Variants in DOCK3 observed in about 807,000 individuals in gnomAD.
DOCK3 encodes the protein dedicator of cytokinesis 3.
In DOCK3, 60 loss-of-function variants were observed where a neutral mutation model predicts 265.6. The ratio of observed to expected loss-of-function variants is 0.23; its 90% CI spans 0.18 to 0.28. DOCK3 has a LOEUF of 0.28. Among genes scored for constraint, DOCK3 ranks in the 10% least tolerant of loss-of-function variants. The pLI is 1.00. For missense variants in DOCK3, 1,981 were observed against 2,594.3 expected (o/e 0.76, Z 5.14); for synonymous variants, 881 against 938.0 (o/e 0.94, Z 1.11).
At chr3:51,370,486 G>A (rs2087591824) in intron 49 of DOCK3, among the ~76,000 whole-genome samples, 1 of 152,180 alleles carries the variant, frequency 6.6e-6, no homozygotes, top group South Asian at 2.1e-4. Context: ...AGAAAGAGGA[G>A]GAATAAGCAG....
At chr3:51,161,722 A>G (rs2086151670) in intron 12 of DOCK3, among the ~76,000 whole-genome samples, 1 of 152,180 alleles carries the variant, frequency 6.6e-6, no homozygotes, top group Non-Finnish European at 1.5e-5. Flanking sequence ...CTTGCCCACC[A>G]GTTATTATAA....
intron 21 of DOCK3, among the ~76,000 whole-genome samples, chr3:51,239,067 C>T (rs772538294): frequency 9.9e-5 from 15 of 152,196 alleles, no homozygotes; most frequent in Non-Finnish European, 1.5e-5. Context: ...CTAATTTACA[C>T]TACCATCAAC....
chr3:51,307,640 G>A lies in DOCK3; in HGVS notation c.2923-2592G>A, dbSNP rs185948721. Among the ~76,000 whole-genome samples, 89 of 152,070 alleles carry A rather than the reference G, an allele frequency of 5.9e-4. 1 individual carries two copies. Among genetic ancestry groups the A allele is most frequent in the Admixed American group, 1.3e-3 (20 of 15,286 alleles). ...ATAGCCTTCACTTCCTGCTTGCCCAGAGCCTCAAGGTCAGCACAGGTGAGA... is the reference window on the plus strand; with the variant it reads ...ATAGCCTTCACTTCCTGCTTGCCCAAAGCCTCAAGGTCAGCACAGGTGAGA... On this transcript the variant is annotated intron_variant, in intron 27 of 52. Transcript: ENST00000266037.
At chr3:51,296,690 A>G (rs1037382005) in intron 27 of DOCK3, among the ~76,000 whole-genome samples, 4 of 151,990 alleles carry the variant, frequency 2.6e-5, no homozygotes, top group Admixed American at 2.0e-4. Flanking sequence ...GTTAGCCAGG[A>G]TGGTCTCGAT....
chr3:51,123,223 C>T (rs1288320655), intron 9 of DOCK3, among the ~76,000 whole-genome samples: 1 of 152,188 alleles, frequency 6.6e-6, no homozygotes, highest in Non-Finnish European at 1.5e-5. Flanking sequence ...CCAGCTTCAG[C>T]CCATAAGTCA....
At chr3:51,130,954 CA>C (rs2084503496) in intron 9 of DOCK3, among the ~76,000 whole-genome samples, 1 of 152,154 alleles carries the variant, frequency 6.6e-6, no homozygotes, top group Non-Finnish European at 1.5e-5. Flanking sequence ...GCAATTCACC[CA>C]CCTTGGCCTC....
chr3:51,336,741 T>C, intron 35 of DOCK3: 1 of 390,102 alleles, frequency 2.6e-6, no homozygotes. Flanking sequence ...GTGTGTAGGA[T>C]GCCCCTGGTA....
At chr3:50,844,392 T>C (rs972595410) in intron 3 of DOCK3, among the ~76,000 whole-genome samples, 7 of 152,006 alleles carry the variant, frequency 4.6e-5, no homozygotes, top group African/African-American at 1.2e-4. Flanking sequence ...ATTTTTTTTT[T>C]CCACTTTTTG....
intron 10 of DOCK3, 147 bp from the exon 11 acceptor site, chr3:51,159,097 T>G: frequency 1.7e-6 from 1 of 594,576 alleles, no homozygotes; most frequent in Non-Finnish European, 2.9e-6. Flanking sequence ...ACTGCAGACA[T>G]CTTATAAACC....
chr3:51,282,610 G>A lies in DOCK3; in HGVS notation c.2922+2406G>A, dbSNP rs142419925. 4.2e-3 allele frequency among the ~76,000 whole-genome samples: 608 copies of A among 146,032 alleles called. 1 individual carries two copies. Among genetic ancestry groups the A allele is most frequent in the Non-Finnish European group, 6.6e-3 (447 of 67,328 alleles). Reference sequence around the variant, plus strand: ...GGAGGTTGCGGTGAGCCAAGATTGCGCCATTGCACTCCTGCCTGGGCAACA... The same window carrying A: ...GGAGGTTGCGGTGAGCCAAGATTGCACCATTGCACTCCTGCCTGGGCAACA... On this transcript the variant is annotated intron_variant, in intron 27 of 52. Coordinates refer to ENST00000266037, the MANE Select transcript of DOCK3 (RefSeq NM_004947.5).
intron 2 of DOCK3, among the ~76,000 whole-genome samples, chr3:50,807,424 G>T (rs2106698832): frequency 6.6e-6 from 1 of 152,082 alleles, no homozygotes; most frequent in African/African-American, 2.4e-5. Context: ...TCTCCTGAAG[G>T]GCGTTAATCT....
chr3:50,930,292 T>C (rs760922616), intron 4 of DOCK3, among the ~76,000 whole-genome samples: 2 of 152,208 alleles, frequency 1.3e-5, no homozygotes, highest in Non-Finnish European at 2.9e-5. Context: ...CCTATTTCCA[T>C]AGTGTCAAAT....
intron 22 of DOCK3, among the ~76,000 whole-genome samples, chr3:51,255,354 C>G (rs191341870): frequency 3.9e-5 from 6 of 152,234 alleles, no homozygotes; most frequent in Admixed American, 3.3e-4. Flanking sequence ...CTTGGAGTTG[C>G]TTTACTCGAG....
intron 14 of DOCK3, among the ~76,000 whole-genome samples, chr3:51,218,054 G>T (rs982832396): frequency 6.6e-5 from 10 of 152,014 alleles, no homozygotes; most frequent in African/African-American, 2.4e-4. Context: ...GGAGGCGGAG[G>T]TTGCAGTGAG....
Position 51,246,805 on chromosome 3 carries a change from C to A in DOCK3, c.2182C>A (p.Arg728=). ...ACAGGACCACATTCAAGAAGCTATG[C>A]GGGTAATGTACTAACCTCTCCATAC... The part of the protein sequence containing the change: ...IRQDHIQEAM[R]ALEYLFKFIV... The change falls in exon 22 of 53, where the codon CGG becomes AGG. Residue 728 remains arginine (R), a splice_region_variant and synonymous_variant. Coordinates refer to ENST00000266037, the MANE Select transcript of DOCK3 (RefSeq NM_004947.5). The A allele has an allele frequency of 6.2e-7, 1 of 1,612,086 alleles. No homozygotes were observed. The highest frequency in any genetic ancestry group is 2.2e-5 in the East Asian group (1 of 44,866).
At chr3:51,061,638 A>G (rs1158876328) in intron 5 of DOCK3, among the ~76,000 whole-genome samples, 1 of 152,080 alleles carries the variant, frequency 6.6e-6, no homozygotes, top group Admixed American at 6.6e-5. Context: ...GGTACAGCAC[A>G]CCAACATGGC....
At chr3:50,861,757 C>CTT (rs1416468590) in intron 3 of DOCK3, among the ~76,000 whole-genome samples, 1 of 128,102 alleles carries the variant, frequency 7.8e-6, no homozygotes, top group East Asian at 2.2e-4. Context: ...CCTGCTCTCT[C>CTT]TTTTTTTTTT....
At chr3:51,118,979 G>T (rs916065990) in intron 9 of DOCK3, among the ~76,000 whole-genome samples, 1 of 152,102 alleles carries the variant, frequency 6.6e-6, no homozygotes, top group African/African-American at 2.4e-5. Flanking sequence ...TTACATTTAA[G>T]GTTAGTATTG....
At chr3:50,771,754 G>A (rs1459801295) in intron 1 of DOCK3, among the ~76,000 whole-genome samples, 2 of 152,208 alleles carry the variant, frequency 1.3e-5, no homozygotes, top group African/African-American at 2.4e-5. Flanking sequence ...GGGAGGCTGA[G>A]GCAGGAGAAT....
Sources: gnomAD v4.1 joint callset for allele counts (sites outside exome capture counted in the v4.1 genomes callset) on GRCh38, gnomAD v4.1.1 for gene constraint, MANE v1.5 for transcripts, NCBI Gene and HGNC (gene_info 2026-07-23, HGNC 2026-07-21) for gene names.